Variants in ANXA8 observed in about 807,000 individuals in gnomAD.
The protein encoded by ANXA8 is VAC-beta.
In ANXA8, 9 loss-of-function variants were observed where a neutral mutation model predicts 26.8. That is an observed-to-expected ratio of 0.34 (90% CI 0.20 to 0.59). ANXA8 has a LOEUF of 0.59. ANXA8 is among the 20% of genes least tolerant of loss of function. ANXA8 has a pLI of 0.84. For missense variants in ANXA8, 83 were observed against 238.5 expected, an observed-to-expected ratio of 0.35 and a Z score of 4.29; for synonymous variants, 39 against 94.8, an observed-to-expected ratio of 0.41 and a Z score of 3.42.
At chr10:47,901,868 T>G in the ANXA8 span, among the ~76,000 whole-genome samples, 1 of 151,314 alleles carries the variant, frequency 6.6e-6, no homozygotes, top group Non-Finnish European at 1.5e-5. Context: ...AGCAATTTGT[T>G]GGTTTTTTCT....
At chr10:47,951,663 T>C in the ANXA8 span, among the ~76,000 whole-genome samples, 3 of 149,980 alleles carry the variant, frequency 2.0e-5, no homozygotes, top group Non-Finnish European at 4.4e-5. Context: ...TACAAAAAAT[T>C]AGCTGGGTGT....
the ANXA8 span, among the ~76,000 whole-genome samples, chr10:47,939,915 A>C: frequency 7.2e-6 from 1 of 138,436 alleles, no homozygotes; most frequent in African/African-American, 2.8e-5. Flanking sequence ...GCCCCTGGCC[A>C]TTCACAGCTT....
the ANXA8 span, among the ~76,000 whole-genome samples, chr10:47,677,277 C>T: frequency 6.6e-6 from 1 of 152,048 alleles, no homozygotes; most frequent in Non-Finnish European, 1.5e-5. Flanking sequence ...CTTCTGGATG[C>T]ATATGTAATC....
chr10:47,501,911 T>C, the ANXA8 span: 2 of 1,172,932 alleles, frequency 1.7e-6, no homozygotes, highest in East Asian at 5.6e-5. Flanking sequence ...AAATATGTCT[T>C]ATGGTCAGAA....
In ANXA8 at chr10:47,474,935, G is replaced by T; in HGVS notation, c.552+10C>A. On this transcript the variant is annotated intron_variant, in intron 7 of 11. Coordinates refer to ENST00000585281, the MANE Select transcript of ANXA8 (RefSeq NM_001040084.3). ...GGTGGGGCCACATGGCCGGCTGGGC[G>T]CAGCCTCACCTGTGCGTCTTGGAGG... 2 of 1,533,194 alleles carry T rather than the reference G, an allele frequency of 1.3e-6. No homozygotes were observed. The highest frequency in any genetic ancestry group is 1.8e-6 in the Non-Finnish European group (2 of 1,133,436). 95.0% of individuals were successfully genotyped at this position (1,533,194 alleles called of 1,614,324 possible). A position where few individuals can be genotyped will look rare whatever the true frequency, so the allele number is the denominator to read the frequency against.
At chr10:47,651,513 T>C in the ANXA8 span, among the ~76,000 whole-genome samples, 2 of 150,544 alleles carry the variant, frequency 1.3e-5, no homozygotes, top group African/African-American at 4.9e-5. Context: ...ATACAAATAC[T>C]TGTACATGAG....
chr10:47,942,711 T>G, the ANXA8 span, among the ~76,000 whole-genome samples: 1 of 142,764 alleles, frequency 7.0e-6, no homozygotes, highest in African/African-American at 2.8e-5. Context: ...TGTTTGAGTC[T>G]GTCTGAACGG....
At chr10:47,668,280 G>A in the ANXA8 span, among the ~76,000 whole-genome samples, 4 of 150,794 alleles carry the variant, frequency 2.7e-5, no homozygotes, top group Admixed American at 1.3e-4. Context: ...GAAAAGTATC[G>A]ATTTTTTTTC....
At chr10:47,623,453 C>T in the ANXA8 span, among the ~76,000 whole-genome samples, 5 of 111,980 alleles carry the variant, frequency 4.5e-5, no homozygotes, top group African/African-American at 1.7e-4. Flanking sequence ...AAGGATTCTT[C>T]TCATTCTATG....
the ANXA8 span, among the ~76,000 whole-genome samples, chr10:47,942,162 T>C: frequency 2.0e-5 from 3 of 147,008 alleles, no homozygotes; most frequent in Non-Finnish European, 4.4e-5. Context: ...TTTTTGTTTG[T>C]ACTTTTTATA....
chr10:47,699,190 G>T, the ANXA8 span, among the ~76,000 whole-genome samples: 1 of 149,154 alleles, frequency 6.7e-6, no homozygotes, highest in African/African-American at 2.5e-5. Flanking sequence ...GTACTAAAAA[G>T]ATGAAAAATT....
At chr10:47,668,167 T>C in the ANXA8 span, among the ~76,000 whole-genome samples, 1 of 150,914 alleles carries the variant, frequency 6.6e-6, no homozygotes, top group African/African-American at 2.5e-5. Context: ...CTGAATTATC[T>C]TGACTGGACC....
the ANXA8 span, among the ~76,000 whole-genome samples, chr10:47,952,062 G>A: frequency 2.0e-5 from 3 of 150,556 alleles, no homozygotes; most frequent in Non-Finnish European, 2.9e-5. Flanking sequence ...ACTCATTCAC[G>A]ATGTACTTTT....
chr10:47,572,421 A>G, the ANXA8 span, among the ~76,000 whole-genome samples: 1 of 149,178 alleles, frequency 6.7e-6, no homozygotes, highest in African/African-American at 2.5e-5. Flanking sequence ...TCTATATAAG[A>G]ATTTACCTGT....
At chr10:47,525,407 AGAAAC>A in the ANXA8 span, among the ~76,000 whole-genome samples, 2 of 143,598 alleles carry the variant, frequency 1.4e-5, no homozygotes, top group East Asian at 5.7e-4. Flanking sequence ...CTCCATCCCA[AGAAAC>A]AAAACAAAAC....
the ANXA8 span, among the ~76,000 whole-genome samples, chr10:47,622,246 A>T: frequency 1.8e-5 from 2 of 112,000 alleles, 1 homozygote; most frequent in African/African-American, 7.0e-5. Flanking sequence ...CTCCTTGTAG[A>T]CATGCTCACA....
At chr10:47,985,704 G>A in the ANXA8 span, 1 of 115,610 alleles carries the variant, frequency 8.6e-6, no homozygotes, top group Non-Finnish European at 1.8e-5. Context: ...CCTCTACCAT[G>A]CCACTCCATC....
chr10:47,945,086 C>T, the ANXA8 span, among the ~76,000 whole-genome samples: 14 of 150,570 alleles, frequency 9.3e-5, no homozygotes, highest in African/African-American at 3.4e-4. Context: ...CTCTGGGATG[C>T]TCTTGCTGAC....
chr10:47,672,513 A>G, the ANXA8 span, among the ~76,000 whole-genome samples: 2 of 151,574 alleles, frequency 1.3e-5, no homozygotes, highest in Admixed American at 6.6e-5. Context: ...TAATTTATAA[A>G]GAATCATATT....
Sources: allele counts gnomAD v4.1 joint callset (sites outside exome capture counted in the v4.1 genomes callset), GRCh38; gene constraint gnomAD v4.1.1; transcripts MANE v1.5; gene names NCBI Gene and HGNC (gene_info 2026-07-23, HGNC 2026-07-21).